The following SPIDR variants were observed in gnomAD, a reference collection of about 807,000 sequenced individuals.
SPIDR encodes scaffold protein involved in DNA repair, also known as DNA repair-scaffolding protein.
In SPIDR, 93 loss-of-function variants were observed where a neutral mutation model predicts 104.6. The ratio of observed to expected loss-of-function variants is 0.89; its 90% CI spans 0.75 to 1.06. SPIDR has a LOEUF of 1.06. SPIDR is among the 50% of genes least tolerant of loss of function. The pLI is 0.00. For synonymous variants in SPIDR, 431 were observed against 416.9 expected, an observed-to-expected ratio of 1.03 and a Z score of -0.41; for missense variants, 1,154 against 1,111.2, an observed-to-expected ratio of 1.04 and a Z score of -0.55.
At chr8:47,508,356 G>A (rs199514036) in intron 8 of SPIDR, among the ~76,000 whole-genome samples, 32 of 152,156 alleles carry the variant, frequency 2.1e-4, no homozygotes, top group Non-Finnish European at 3.7e-4. Context: ...CACCAGATAA[G>A]GGAATGCATT....
intron 10 of SPIDR, among the ~76,000 whole-genome samples, chr8:47,670,267 G>A (rs929273101): frequency 6.6e-6 from 1 of 152,020 alleles, no homozygotes; most frequent in Non-Finnish European, 1.5e-5. Flanking sequence ...GAGTTAACTA[G>A]GAGGTAAGGA....
chr8:47,394,216 C>T (rs1289471603), intron 5 of SPIDR, among the ~76,000 whole-genome samples: 6 of 152,094 alleles, frequency 3.9e-5, no homozygotes, highest in African/African-American at 1.4e-4. Flanking sequence ...TTTTCTGACA[C>T]TTAACTCTTC....
At chr8:47,336,407 T>C (rs187277472) in intron 5 of SPIDR, among the ~76,000 whole-genome samples, 112 of 152,266 alleles carry the variant, frequency 7.4e-4, no homozygotes, top group African/African-American at 2.6e-3. Context: ...AAGGCTTTAA[T>C]TGGGTGCTAT....
intron 5 of SPIDR, among the ~76,000 whole-genome samples, chr8:47,324,577 A>C (rs1023531335): frequency 6.6e-6 from 1 of 152,178 alleles, no homozygotes; most frequent in Non-Finnish European, 1.5e-5. Flanking sequence ...CACAAGTTAG[A>C]GCAATTAACA....
intron 5 of SPIDR, among the ~76,000 whole-genome samples, chr8:47,298,176 C>T (rs933130054): frequency 8.5e-5 from 13 of 152,110 alleles, no homozygotes; most frequent in South Asian, 4.1e-4. Context: ...GGTATCTCAC[C>T]GTGGTTTTGA....
intron 8 of SPIDR, among the ~76,000 whole-genome samples, chr8:47,467,576 T>C (rs1401747594): frequency 6.6e-6 from 1 of 152,210 alleles, no homozygotes; most frequent in Non-Finnish European, 1.5e-5. Flanking sequence ...TCAATAAATG[T>C]GATCCATTAC....
chr8:47,425,425 G>A (rs2066260773), intron 7 of SPIDR, among the ~76,000 whole-genome samples: 1 of 152,172 alleles, frequency 6.6e-6, no homozygotes, highest in Non-Finnish European at 1.5e-5. Context: ...GGACAGGTTA[G>A]TAAAGTGCAG....
At position 47,359,239 on chromosome 8, in the gene SPIDR, C is replaced by A. The variant is rs2055213649; in HGVS notation, c.526-37137C>A. On this transcript the variant is annotated intron_variant, in intron 5 of 19. Transcript: ENST00000297423. ...CCGCAGTCCGGCCTGGGCGACAGAG[C>A]GAGACTCCGTCTCAAAAAAAAAAAA... is the stretch of plus-strand genomic sequence containing the variant. 2.1e-5 allele frequency among the ~76,000 whole-genome samples: 3 copies of A among 139,814 alleles called. No individual in the cohort carries two copies. The Admixed American group carries it at 2.3e-4, about 11-fold the overall frequency. 91.7% of individuals were successfully genotyped at this position (139,814 alleles called of 152,430 possible).
At chr8:47,525,661 C>T (rs146512236) in intron 8 of SPIDR, among the ~76,000 whole-genome samples, 231 of 151,874 alleles carry the variant, frequency 1.5e-3, no homozygotes, top group African/African-American at 5.2e-3. Context: ...ATTAGCCAGA[C>T]GTGGTGGCAT....
intron 8 of SPIDR, among the ~76,000 whole-genome samples, chr8:47,541,403 G>C (rs1208476310): frequency 6.6e-6 from 1 of 152,138 alleles, no homozygotes. Flanking sequence ...CTTCCCATGG[G>C]AAGGGAAATA....
At chr8:47,729,140 C>A (rs562043153) in intron 18 of SPIDR, 93 bp downstream of exon 18, 1 of 1,553,086 alleles carries the variant, frequency 6.4e-7, no homozygotes, top group East Asian at 2.4e-5. Context: ...TCCTCCTGTA[C>A]GCCTGCAGAG....
At chr8:47,621,260 A>G (rs1438640317) in intron 10 of SPIDR, among the ~76,000 whole-genome samples, 1 of 152,210 alleles carries the variant, frequency 6.6e-6, no homozygotes, top group African/African-American at 2.4e-5. Flanking sequence ...CGGCCAATTC[A>G]TATGGGTTTT....
intron 11 of SPIDR, among the ~76,000 whole-genome samples, chr8:47,682,723 G>A (rs1401290483): frequency 6.6e-6 from 1 of 152,022 alleles, no homozygotes; most frequent in African/African-American, 2.4e-5. Context: ...TTATCAAAAA[G>A]GTATAACATA....
intron 7 of SPIDR, among the ~76,000 whole-genome samples, chr8:47,415,362 C>T (rs2154329775): frequency 6.6e-6 from 1 of 152,288 alleles, no homozygotes; most frequent in East Asian, 1.9e-4. Context: ...ATGATGATCT[C>T]CAATACAGTC....
chr8:47,593,148 A>G (rs909075127), intron 8 of SPIDR, among the ~76,000 whole-genome samples: 1 of 151,904 alleles, frequency 6.6e-6, no homozygotes, highest in African/African-American at 2.4e-5. Flanking sequence ...GGCCTCCCAA[A>G]ACACTGGGAT....
chr8:47,302,350 T>TAA (rs2042243872), intron 5 of SPIDR, among the ~76,000 whole-genome samples: 5 of 94,846 alleles, frequency 5.3e-5, no homozygotes, highest in Middle Eastern at 5.3e-3. Context: ...ATTTGTCTCG[T>TAA]TTTTTTCCAA....
intron 1 of SPIDR, 150 bp downstream of exon 1, chr8:47,261,141 C>T (rs994577935): frequency 1.8e-5 from 18 of 976,068 alleles, no homozygotes; most frequent in Non-Finnish European, 2.1e-5. Flanking sequence ...CGTCTGCGCG[C>T]GTGGAGCAAG....
At position 47,407,951 on chromosome 8, in the gene SPIDR, G is replaced by GTATTCTT; in HGVS notation, c.867_868insTATTCTT (p.Thr290TyrfsTer7). ...GACATCAATGTATTTCTTACCAAAA[G>GTATTCTT]ACACTTTCAGGTAAGGCTTGTGCAG... is the stretch of plus-strand genomic sequence containing the variant. On this transcript the variant is annotated frameshift_variant, in exon 7 of 20. Coordinates refer to ENST00000297423, the MANE Select transcript of SPIDR (RefSeq NM_001080394.4). LOFTEE classifies it high-confidence loss of function. The GTATTCTT allele has an allele frequency of 2.5e-6, 4 of 1,576,806 alleles. No individual in the cohort carries two copies. Among genetic ancestry groups the GTATTCTT allele is most frequent in the Non-Finnish European group, 3.5e-6 (4 of 1,155,490 alleles).
rs2036085360 is a variant in SPIDR at position 47,274,953 on chromosome 8, G to A, written c.34-4909G>A. Among the ~76,000 whole-genome samples the A allele has an allele frequency of 3.3e-5, 5 of 149,670 alleles. No homozygotes were observed. In the South Asian group the frequency reaches 1.1e-3, roughly 32 times the overall value. On this transcript the variant is annotated intron_variant, in intron 1 of 19. Transcript: ENST00000297423. The stretch of plus-strand genomic sequence containing the variant: ...TATTGTGGAGCTGCTAGAAAATAAA[G>A]ACTACAATAGAAAATACCCCCATAG...
Sources: gnomAD v4.1 joint callset for allele counts (sites outside exome capture counted in the v4.1 genomes callset) on GRCh38, gnomAD v4.1.1 for gene constraint, MANE v1.5 for transcripts, NCBI Gene and HGNC (gene_info 2026-07-23, HGNC 2026-07-21) for gene names.